BAZ2B: variants seen among roughly 807,000 people sequenced by gnomAD.
BAZ2B encodes bromodomain adjacent to zinc finger domain 2B, also known as bromodomain adjacent to zinc finger domain protein 2B.
Under a neutral mutation model 246.0 loss-of-function variants are expected in BAZ2B, and 91 were observed. The ratio of observed to expected loss-of-function variants is 0.37; its 90% CI spans 0.31 to 0.44. The LOEUF is 0.44. Ranked by LOEUF, BAZ2B falls within the 20% of genes least tolerant of loss-of-function variation. BAZ2B has a pLI of 1.00. For missense variants in BAZ2B, 2,332 were observed against 2,533.7 expected (o/e 0.92, Z 1.71); for synonymous variants, 855 against 860.0 (o/e 0.99, Z 0.10).
intron 35 of BAZ2B, among the ~76,000 whole-genome samples, chr2:159,325,386 C>T (rs543660472): frequency 6.6e-6 from 1 of 151,348 alleles, no homozygotes; most frequent in East Asian, 2.0e-4. Flanking sequence ...CTGTCTTGAC[C>T]TCTCAAAGTG....
chr2:159,508,141 G>T (rs982856780), intron 2 of BAZ2B, among the ~76,000 whole-genome samples: 1 of 152,154 alleles, frequency 6.6e-6, no homozygotes, highest in Non-Finnish European at 1.5e-5. Flanking sequence ...AAAGTGTTGT[G>T]ATCACAGATG....
At chr2:159,681,936 A>AT in the BAZ2B span, among the ~76,000 whole-genome samples, 11 of 118,354 alleles carry the variant, frequency 9.3e-5, no homozygotes, top group African/African-American at 2.8e-4. Flanking sequence ...TAAAAAATAA[A>AT]TTTAAAAAAA....
At chr2:159,590,504 T>C (rs913506590) in intron 1 of BAZ2B, among the ~76,000 whole-genome samples, 1 of 151,378 alleles carries the variant, frequency 6.6e-6, no homozygotes, top group Non-Finnish European at 1.5e-5. Context: ...GGTAGGAGAA[T>C]TGCTTGAACC....
the BAZ2B span, among the ~76,000 whole-genome samples, chr2:159,622,520 C>T: frequency 1.3e-5 from 2 of 152,094 alleles, no homozygotes; most frequent in African/African-American, 2.4e-5. Flanking sequence ...AATCTTACTA[C>T]ATAAAATAGC....
the BAZ2B span, among the ~76,000 whole-genome samples, chr2:159,654,164 T>C: frequency 1.3e-5 from 2 of 152,140 alleles, no homozygotes; most frequent in African/African-American, 2.4e-5. Context: ...TTGTAATATA[T>C]TGATCAATAA....
chr2:159,402,460 A>T (rs1374938015), intron 16 of BAZ2B, among the ~76,000 whole-genome samples: 1 of 151,850 alleles, frequency 6.6e-6, no homozygotes, highest in African/African-American at 2.4e-5. Context: ...AAAAACAAAC[A>T]AACAAAAAAC....
chr2:159,397,089 C>T, intron 19 of BAZ2B: 1 of 1,437,292 alleles, frequency 7.0e-7, no homozygotes, highest in South Asian at 1.2e-5. Context: ...CTAGTCTATG[C>T]CTCTCCAACT....
At chr2:159,509,129 C>G (rs1466489768) in intron 2 of BAZ2B, among the ~76,000 whole-genome samples, 1 of 152,028 alleles carries the variant, frequency 6.6e-6, no homozygotes, top group Non-Finnish European at 1.5e-5. Flanking sequence ...AGTCCTCTCT[C>G]TCACTTATAA....
Position 159,408,799 on chromosome 2 carries a change from A to G in BAZ2B, c.2677+3536T>C, listed in dbSNP as rs560047380. 2.0e-5 allele frequency among the ~76,000 whole-genome samples: 3 copies of G among 152,304 alleles called. No individual in the cohort carries two copies. In the South Asian group the frequency reaches 6.2e-4, roughly 32 times the overall value. ...GCCGGGCGTTGTGGTGGGTGCCTGT[A>G]ATCCCAGCTACTCAGGAGGCTGAGG... is the stretch of plus-strand genomic sequence containing the variant. On this transcript the variant is annotated intron_variant, in intron 14 of 36. Coordinates refer to ENST00000392783, the MANE Select transcript of BAZ2B (RefSeq NM_013450.4).
At chr2:159,544,098 AT>A (rs1277224622) in intron 2 of BAZ2B, among the ~76,000 whole-genome samples, 1 of 151,918 alleles carries the variant, frequency 6.6e-6, no homozygotes, top group Non-Finnish European at 1.5e-5. Context: ...CCCTGGTGTA[AT>A]TTAACATGTC....
At chr2:159,410,195 T>C (rs963442605) in intron 14 of BAZ2B, among the ~76,000 whole-genome samples, 16 of 152,160 alleles carry the variant, frequency 1.1e-4, no homozygotes, top group African/African-American at 3.9e-4. Context: ...ACAATATCAG[T>C]TTTTAAAACC....
chr2:159,438,777 G>A lies in BAZ2B; in HGVS notation c.901-82C>T, dbSNP rs150698285. The A allele has an allele frequency of 5.0e-3, 7,224 of 1,458,556 alleles. 22 individuals carry two copies. The highest frequency in any genetic ancestry group is 8.4e-3 in the Admixed American group (370 of 43,788). 90.4% of individuals were successfully genotyped at this position (1,458,556 alleles called of 1,614,324 possible). A position where few individuals can be genotyped will look rare whatever the true frequency, so the allele number is the denominator to read the frequency against. On this transcript the variant is annotated intron_variant, in intron 7 of 36. Coordinates refer to ENST00000392783, the MANE Select transcript of BAZ2B (RefSeq NM_013450.4). ...AGCAGTAAAACCTGGAGATAAAAAC[G>A]GGTACTTTCAAAGTGTTCTTAATGC...
At chr2:159,561,476 A>C (rs957447031) in intron 1 of BAZ2B, among the ~76,000 whole-genome samples, 1 of 152,234 alleles carries the variant, frequency 6.6e-6, no homozygotes, top group African/African-American at 2.4e-5. Context: ...TATAAACTAC[A>C]CAGCTTTAAG....
At chr2:159,427,210 A>G (rs2070098655) in intron 13 of BAZ2B, among the ~76,000 whole-genome samples, 1 of 152,146 alleles carries the variant, frequency 6.6e-6, no homozygotes, top group South Asian at 2.1e-4. Flanking sequence ...ACCCCTTTCA[A>G]TGCAGCTAAA....
intron 1 of BAZ2B, among the ~76,000 whole-genome samples, chr2:159,577,484 T>G (rs1024610177): frequency 1.3e-5 from 2 of 152,218 alleles, no homozygotes; most frequent in Non-Finnish European, 2.9e-5. Flanking sequence ...AAAAACTATT[T>G]TGATTTCTTT....
intron 9 of BAZ2B, 24 bp from the exon 10 acceptor site, chr2:159,431,180 T>A: frequency 6.3e-7 from 1 of 1,582,444 alleles, no homozygotes; most frequent in Non-Finnish European, 8.6e-7. Flanking sequence ...GAAGCATTTG[T>A]ATATTATAAC....
downstream of BAZ2B, among the ~76,000 whole-genome samples, chr2:159,316,741 C>T (rs1358359523): frequency 7.3e-6 from 1 of 137,200 alleles, no homozygotes; most frequent in Non-Finnish European, 1.6e-5. Flanking sequence ...ATTTTAGTGG[C>T]TTATGTCTGT....
intron 1 of BAZ2B, among the ~76,000 whole-genome samples, chr2:159,581,058 T>C (rs1273204086): frequency 6.6e-6 from 1 of 152,084 alleles, no homozygotes; most frequent in Non-Finnish European, 1.5e-5. Context: ...AAAGCCACAA[T>C]TGACAAATGG....
At chr2:159,658,763 C>T in the BAZ2B span, among the ~76,000 whole-genome samples, 1 of 152,160 alleles carries the variant, frequency 6.6e-6, no homozygotes, top group African/African-American at 2.4e-5. Context: ...AGGCAATGCA[C>T]TCACTTTGGC....
Sources: allele counts gnomAD v4.1 joint callset (sites outside exome capture counted in the v4.1 genomes callset), GRCh38; gene constraint gnomAD v4.1.1; transcripts MANE v1.5; gene names NCBI Gene and HGNC (gene_info 2026-07-23, HGNC 2026-07-21).